The following FBXL17 variants were observed in gnomAD, a reference collection of about 807,000 sequenced individuals.
FBXL17 encodes the protein F-box and leucine rich repeat protein 17.
A neutral mutation model predicts 66.2 loss-of-function variants in FBXL17; 22 were observed. The observed-to-expected ratio is 0.33, with a 90% CI of 0.24 to 0.47. The LOEUF (loss-of-function observed/expected upper bound fraction) is 0.47, where lower values mean the gene tolerates loss of function less well. FBXL17 is among the 20% of genes least tolerant of loss of function. The pLI, the probability that FBXL17 is intolerant of heterozygous loss-of-function variation, is 1.00. For synonymous variants in FBXL17, 474 were observed against 400.5 expected, an observed-to-expected ratio of 1.18 and a Z score of -2.19; for missense variants, 878 against 948.2, an observed-to-expected ratio of 0.93 and a Z score of 0.97.
At chr5:108,365,484 AG>A (rs1748602340) in intron 2 of FBXL17, among the ~76,000 whole-genome samples, 2 of 152,128 alleles carry the variant, frequency 1.3e-5, no homozygotes, top group South Asian at 4.1e-4. Flanking sequence ...CAAAGTGCTG[AG>A]AAGGTGGTAT....
chr5:108,329,068 G>A (rs998075614), intron 4 of FBXL17, among the ~76,000 whole-genome samples: 3 of 152,054 alleles, frequency 2.0e-5, no homozygotes, highest in Non-Finnish European at 4.4e-5. Context: ...ATGCAAACAA[G>A]AAGGTATTTT....
At chr5:108,005,320 G>T (rs1044229658) in intron 7 of FBXL17, among the ~76,000 whole-genome samples, 9 of 152,158 alleles carry the variant, frequency 5.9e-5, no homozygotes, top group African/African-American at 2.2e-4. Flanking sequence ...GGCTGGAGGG[G>T]AGGATTTCAG....
chr5:108,372,605 G>A (rs1749118860), intron 1 of FBXL17, among the ~76,000 whole-genome samples: 1 of 152,158 alleles, frequency 6.6e-6, no homozygotes, highest in African/African-American at 2.4e-5. Flanking sequence ...GAGACCAGAA[G>A]GCAGTGGGAT....
intron 7 of FBXL17, among the ~76,000 whole-genome samples, chr5:107,991,374 T>C (rs1382541790): frequency 6.6e-6 from 1 of 152,180 alleles, no homozygotes; most frequent in African/African-American, 2.4e-5. Context: ...TGCCTTTAAA[T>C]ATATCCTCTT....
chr5:108,115,864 T>A (rs985287937), intron 6 of FBXL17, among the ~76,000 whole-genome samples: 1 of 152,176 alleles, frequency 6.6e-6, no homozygotes, highest in Non-Finnish European at 1.5e-5. Context: ...AAGATATTCA[T>A]CTACTTTAAA....
chr5:108,282,384 T>C (rs928052084), intron 4 of FBXL17, among the ~76,000 whole-genome samples: 16 of 151,920 alleles, frequency 1.1e-4, no homozygotes, highest in African/African-American at 3.9e-4. Flanking sequence ...ATAAATGTGA[T>C]GTATCATATA....
At chr5:107,929,861 G>A (rs1750671495) in intron 7 of FBXL17, among the ~76,000 whole-genome samples, 1 of 151,588 alleles carries the variant, frequency 6.6e-6, no homozygotes, top group Non-Finnish European at 1.5e-5. Flanking sequence ...GCTAGCAATT[G>A]CAAAATTTTT....
intron 7 of FBXL17, among the ~76,000 whole-genome samples, chr5:108,018,569 C>A (rs1400803167): frequency 6.6e-6 from 1 of 152,082 alleles, no homozygotes; most frequent in Non-Finnish European, 1.5e-5. Flanking sequence ...CCCTCTCTTC[C>A]TCAATTGTGC....
At chr5:108,310,487 T>C (rs1393104569) in intron 4 of FBXL17, among the ~76,000 whole-genome samples, 1 of 152,192 alleles carries the variant, frequency 6.6e-6, no homozygotes, top group African/African-American at 2.4e-5. Context: ...CTCAAAAAGT[T>C]TGATTATATC....
intron 7 of FBXL17, among the ~76,000 whole-genome samples, chr5:107,965,238 A>C (rs749545980): frequency 3.3e-5 from 5 of 152,142 alleles, no homozygotes; most frequent in Non-Finnish European, 5.9e-5. Context: ...AATTTCACTT[A>C]AGGAATATAC....
chr5:108,304,821 C>T (rs1242127184), intron 4 of FBXL17, among the ~76,000 whole-genome samples: 3 of 151,942 alleles, frequency 2.0e-5, no homozygotes, highest in African/African-American at 7.2e-5. Context: ...TGATTAAAAA[C>T]TAAAAACTAT....
chr5:108,079,811 C>CGG (rs1485298754), intron 6 of FBXL17, among the ~76,000 whole-genome samples: 3 of 152,168 alleles, frequency 2.0e-5, no homozygotes, highest in Non-Finnish European at 4.4e-5. Flanking sequence ...CTCATGTTAA[C>CGG]TACCCAGCAA....
chr5:107,902,814 A>G (rs1404671905), intron 7 of FBXL17, among the ~76,000 whole-genome samples: 2 of 152,112 alleles, frequency 1.3e-5, no homozygotes, highest in Non-Finnish European at 2.9e-5. Flanking sequence ...TTAATTGCAC[A>G]AAGTGTTTTT....
At chr5:108,281,841 T>C (rs1389809819) in intron 4 of FBXL17, among the ~76,000 whole-genome samples, 1 of 151,534 alleles carries the variant, frequency 6.6e-6, no homozygotes, top group Non-Finnish European at 1.5e-5. Flanking sequence ...AAGGAGAAAT[T>C]ACAACTTATA....
At chr5:108,174,533 G>A (rs1752720723) in intron 6 of FBXL17, among the ~76,000 whole-genome samples, 1 of 152,078 alleles carries the variant, frequency 6.6e-6, no homozygotes. Context: ...TTGATGTTCT[G>A]ATGATTTTTA....
chr5:108,205,224 C>T (rs757337864), intron 5 of FBXL17, among the ~76,000 whole-genome samples: 11 of 152,186 alleles, frequency 7.2e-5, no homozygotes, highest in South Asian at 4.2e-4. Flanking sequence ...AATATTTTCA[C>T]GATTTTTGTT....
intron 5 of FBXL17, among the ~76,000 whole-genome samples, chr5:108,207,532 A>G (rs896083409): frequency 1.3e-5 from 2 of 151,848 alleles, no homozygotes; most frequent in African/African-American, 4.8e-5. Context: ...CCCTATGTCC[A>G]TGTGTTCTCA....
At chr5:108,071,892 A>C (rs911011004) in intron 6 of FBXL17, among the ~76,000 whole-genome samples, 2 of 152,108 alleles carry the variant, frequency 1.3e-5, no homozygotes, top group African/African-American at 4.8e-5. Flanking sequence ...TCAAAGGCCT[A>C]GCACAGGATC....
intron 7 of FBXL17, among the ~76,000 whole-genome samples, chr5:107,910,673 T>C (rs1355005845): frequency 2.6e-5 from 4 of 152,146 alleles, no homozygotes; most frequent in Admixed American, 2.0e-4. Context: ...CTCAAGCTGA[T>C]ATACCATTAA....
Sources: allele counts gnomAD v4.1 joint callset (sites outside exome capture counted in the v4.1 genomes callset), GRCh38; gene constraint gnomAD v4.1.1; transcripts MANE v1.5; gene names NCBI Gene and HGNC (gene_info 2026-07-23, HGNC 2026-07-21).